The following FASTKD1 variants were observed in gnomAD, a reference collection of about 807,000 sequenced individuals.
The protein encoded by FASTKD1 is FAST kinase domain-containing protein 1, mitochondrial.
FASTKD1 carries 94 observed loss-of-function variants against 90.9 expected under a neutral mutation model. The observed-to-expected ratio is 1.03, with a 90% CI of 0.88 to 1.23. The LOEUF (loss-of-function observed/expected upper bound fraction) is 1.23. FASTKD1 is among the 50% of genes most tolerant of loss of function. FASTKD1 has a pLI of 0.00. For synonymous variants in FASTKD1, 319 were observed against 345.8 expected (o/e 0.92, Z 0.86); for missense variants, 945 against 993.5 (o/e 0.95, Z 0.66).
In FASTKD1 at chr2:169,564,104, C is replaced by A. The variant is rs1454443180; in HGVS notation, c.447-754G>T. Among the ~76,000 whole-genome samples, 3 of 152,142 alleles carry A rather than the reference C, an allele frequency of 2.0e-5. No individual in the cohort carries two copies. The East Asian group carries it at 5.8e-4, about 29-fold the overall frequency. ...TAGCAATGATCAGTATATTAAAATT[C>A]ATCATGCTGTATGCTTATGACTAGT... On this transcript the variant is annotated intron_variant, in intron 3 of 14. Transcript: ENST00000453153.
intron 10 of FASTKD1, among the ~76,000 whole-genome samples, chr2:169,538,747 C>T (rs970365060): frequency 7.3e-5 from 11 of 150,624 alleles, no homozygotes; most frequent in African/African-American, 2.7e-4. Flanking sequence ...AGGATTTTAT[C>T]CTAAGGAAAC....
intron 2 of FASTKD1, among the ~76,000 whole-genome samples, chr2:169,569,680 G>A (rs1019650381): frequency 6.6e-6 from 1 of 151,884 alleles, no homozygotes; most frequent in African/African-American, 2.4e-5. Context: ...GTGAAACCCC[G>A]TCTCTACTAA....
intron 3 of FASTKD1, among the ~76,000 whole-genome samples, chr2:169,567,105 A>T (rs1042128430): frequency 1.3e-5 from 2 of 150,346 alleles, no homozygotes. Flanking sequence ...ACAGAGCGAG[A>T]CTCTGTCTCA....
chr2:169,546,662 C>T lies in FASTKD1; in HGVS notation c.1257G>A (p.Leu419=), dbSNP rs187802279. ...AAGGGAGCAGGGAAATAGCACGGAC[C>T]AGAACAGACACCTCAGTTGGTATGA... ...NSFIPTEVSV[L]VRAISLLPSP... Residue 419 remains leucine (L), a synonymous_variant, in exon 8 of 15, where the codon CTG becomes CTA. Transcript: ENST00000453153. The T allele has an allele frequency of 7.4e-6, 12 of 1,613,136 alleles. No individual in the cohort carries two copies. In the African/African-American group the frequency reaches 1.1e-4, roughly 14 times the overall value.
chr2:169,544,676 T>A (rs1272877727), intron 9 of FASTKD1, 45 bp downstream of exon 9: 1 of 1,028,694 alleles, frequency 9.7e-7, no homozygotes, highest in Non-Finnish European at 1.5e-6. Context: ...GCAACAAGTA[T>A]CCTCTGACTT....
At chr2:169,562,302 A>G (rs1185229338) in intron 4 of FASTKD1, among the ~76,000 whole-genome samples, 1 of 151,230 alleles carries the variant, frequency 6.6e-6, no homozygotes, top group Non-Finnish European at 1.5e-5. Flanking sequence ...GCACAATCTC[A>G]GGTCACTGCA....
chr2:169,559,629 G>A (rs1178019695), intron 5 of FASTKD1, among the ~76,000 whole-genome samples: 2 of 151,992 alleles, frequency 1.3e-5, no homozygotes, highest in Admixed American at 1.3e-4. Flanking sequence ...TCTTGCCTAG[G>A]CTGGTCTCAA....
intron 7 of FASTKD1, among the ~76,000 whole-genome samples, chr2:169,548,418 G>GT (rs1393679434): frequency 1.3e-5 from 1 of 74,500 alleles, no homozygotes; most frequent in Non-Finnish European, 2.6e-5. Flanking sequence ...GACAATAATT[G>GT]TTAAAAAAAA....
intron 7 of FASTKD1, among the ~76,000 whole-genome samples, chr2:169,548,760 T>C (rs1685342825): frequency 1.4e-5 from 2 of 142,994 alleles, no homozygotes; most frequent in South Asian, 2.2e-4. Flanking sequence ...AAAAAAACTT[T>C]AGGTATAGAA....
chr2:169,535,750 T>C (rs1394099989), intron 12 of FASTKD1, among the ~76,000 whole-genome samples: 1 of 152,202 alleles, frequency 6.6e-6, no homozygotes, highest in Non-Finnish European at 1.5e-5. Context: ...ATCACACACA[T>C]CTATCATCTG....
intron 7 of FASTKD1, among the ~76,000 whole-genome samples, chr2:169,547,186 T>C (rs1389488241): frequency 6.6e-6 from 1 of 152,184 alleles, no homozygotes; most frequent in African/African-American, 2.4e-5. Flanking sequence ...ATAAATGATA[T>C]TATAAAGAAT....
intron 12 of FASTKD1, among the ~76,000 whole-genome samples, chr2:169,534,464 T>TC (rs1491451076): frequency 3.0e-4 from 30 of 99,478 alleles, no homozygotes; most frequent in South Asian, 1.1e-3. Flanking sequence ...TTTTTTTTTC[T>TC]TTTTTTTTTT....
At chr2:169,555,937 G>A (rs1683282549) in intron 6 of FASTKD1, among the ~76,000 whole-genome samples, 1 of 152,016 alleles carries the variant, frequency 6.6e-6, no homozygotes, top group Non-Finnish European at 1.5e-5. Flanking sequence ...CAGCCTTGGT[G>A]GTAATTTTGG....
chr2:169,561,336 A>C (rs965162317), intron 4 of FASTKD1, among the ~76,000 whole-genome samples: 1 of 151,800 alleles, frequency 6.6e-6, no homozygotes. Context: ...GAAGAGCAGG[A>C]AACTACTATA....
intron 12 of FASTKD1, chr2:169,536,979 T>G (rs1458614967): frequency 3.0e-6 from 1 of 329,650 alleles, no homozygotes; most frequent in African/African-American, 2.2e-5. Flanking sequence ...TTAGAATTGG[T>G]GGAGGACTGA....
At chr2:169,538,231 G>A in intron 10 of FASTKD1, 90 bp from the exon 11 acceptor site, 1 of 1,035,144 alleles carries the variant, frequency 9.7e-7, no homozygotes, top group Non-Finnish European at 1.4e-6. Flanking sequence ...CCCACTATTA[G>A]TAGATGCTTT....
In FASTKD1 at chr2:169,555,258, A is replaced by G. The variant is rs767174001; in HGVS notation, c.1083-3T>C. ...GTTTATGCAGAACTGAAGTAACTCT[A>G]AAAAGGATAGAGCATATATTATAAC... On this transcript the variant is annotated splice_region_variant and splice_polypyrimidine_tract_variant and intron_variant, in intron 6 of 14. Coordinates refer to ENST00000453153, the MANE Select transcript of FASTKD1 (RefSeq NM_024622.6). 19 of 1,604,312 alleles carry G rather than the reference A, an allele frequency of 1.2e-5. No homozygotes were observed. Among genetic ancestry groups the G allele is most frequent in the African/African-American group, 6.7e-5 (5 of 74,508 alleles).
intron 8 of FASTKD1, 140 bp downstream of exon 8, chr2:169,546,078 G>C (rs969797532): frequency 1.1e-6 from 1 of 879,040 alleles, no homozygotes; most frequent in Non-Finnish European, 1.7e-6. Context: ...TTACAGGCTT[G>C]AGCTACCACA....
At chr2:169,563,097 G>A in intron 4 of FASTKD1, 128 bp downstream of exon 4, 1 of 819,026 alleles carries the variant, frequency 1.2e-6, no homozygotes, top group Admixed American at 2.8e-5. Context: ...TTGCAGATGA[G>A]GATAACGAAC....
Sources: allele counts gnomAD v4.1 joint callset (sites outside exome capture counted in the v4.1 genomes callset), GRCh38; gene constraint gnomAD v4.1.1; transcripts MANE v1.5; gene names NCBI Gene and HGNC (gene_info 2026-07-23, HGNC 2026-07-21).